The following FAM20A variants were observed in gnomAD, a reference collection of about 807,000 sequenced individuals.
FAM20A encodes pseudokinase FAM20A.
Under a neutral mutation model 52.0 loss-of-function variants are expected in FAM20A, and 42 were observed. The ratio of observed to expected loss-of-function variants is 0.81; its 90% CI spans 0.63 to 1.04. The LOEUF (loss-of-function observed/expected upper bound fraction) is 1.04, where lower values mean the gene tolerates loss of function less well. Among genes scored for constraint, FAM20A ranks in the 50% least tolerant of loss-of-function variants. The pLI is 0.00. For synonymous variants in FAM20A, 304 were observed against 298.9 expected (o/e 1.02, Z -0.18); for missense variants, 742 against 712.7 (o/e 1.04, Z -0.47).
chr17:68,600,235 T>C lies in FAM20A; in HGVS notation c.404+28A>G. On this transcript the variant is annotated intron_variant, in intron 1 of 10. Coordinates refer to ENST00000592554, the MANE Select transcript of FAM20A (RefSeq NM_017565.4). The surrounding 1 kb of genome is among the most constrained non-coding windows in gnomAD (Gnocchi z 6.2). ...GGGAGGCCCCGGCCAGAGCGCCCGC[T>C]CTCCCGCGTCCCGGGCGGGGTCCTC... 6.5e-7 allele frequency: 1 copy of C among 1,549,240 alleles called. No individual in the cohort carries two copies. Among genetic ancestry groups the C allele is most frequent in the Non-Finnish European group, 8.7e-7 (1 of 1,146,754 alleles).
intron 1 of FAM20A, among the ~76,000 whole-genome samples, chr17:68,559,986 T>C (rs1303378338): frequency 6.6e-6 from 1 of 152,178 alleles, no homozygotes; most frequent in African/African-American, 2.4e-5. Context: ...TACCCCTAAA[T>C]TCATATGTTG....
At chr17:68,556,236 G>T (rs1166429311) in intron 1 of FAM20A, among the ~76,000 whole-genome samples, 1 of 152,136 alleles carries the variant, frequency 6.6e-6, no homozygotes, top group Non-Finnish European at 1.5e-5. Flanking sequence ...TTTAAGTGGG[G>T]CTGGAAGCTG....
chr17:68,554,177 C>T (rs1046428626), intron 3 of FAM20A, among the ~76,000 whole-genome samples: 1 of 151,910 alleles, frequency 6.6e-6, no homozygotes, highest in Non-Finnish European at 1.5e-5. Flanking sequence ...GTTGCCTAGG[C>T]TGGAGTGCAG....
chr17:68,600,542 C>G lies in FAM20A; in HGVS notation c.125G>C (p.Arg42Pro), dbSNP rs751567997. ...GGCGCGGCCGGTGCACGGGCACCCC[C>G]GCGGGCGCTCCCGAGGCCGCAGCTG... Reference protein sequence around the residue: ...QRQLRPRERPRGCPCTGRASS... With the variant: ...QRQLRPRERPPGCPCTGRASS... The change falls in exon 1 of 11, where the codon CGG becomes CCG. Residue 42 changes from arginine (R) to proline (P), a missense_variant. By Grantham distance (103) the Arg-to-Pro change is moderately radical (BLOSUM62 -2). Transcript: ENST00000592554. The surrounding 1 kb of genome is among the most constrained non-coding windows in gnomAD (Gnocchi z 6.2). The G allele has an allele frequency of 1.3e-6, 2 of 1,559,778 alleles. No individual in the cohort carries two copies. Among genetic ancestry groups the G allele is most frequent in the Non-Finnish European group, 8.7e-7 (1 of 1,152,768 alleles).
Position 68,537,445 on chromosome 17 carries a change from G to A in FAM20A, c.*32C>T. 1 of 1,613,794 alleles carries A rather than the reference G, an allele frequency of 6.2e-7. No homozygotes were observed. The highest frequency in any genetic ancestry group is 1.1e-5 in the South Asian group (1 of 91,026). ...CTCGAGTCGACTGCTCTGGCTCCAG[G>A]CGTATTTTCTGAAACTGGACTCTGC... On this transcript the variant is annotated 3_prime_UTR_variant, in exon 11 of 11. Coordinates refer to ENST00000592554, the MANE Select transcript of FAM20A (RefSeq NM_017565.4). This position sits in a 1 kb window ranked among gnomAD's most constrained non-coding sequence, Gnocchi z 4.2.
intron 7 of FAM20A, 105 bp from the exon 8 acceptor site, chr17:68,541,063 T>G: frequency 1.3e-6 from 2 of 1,507,146 alleles, no homozygotes; most frequent in Non-Finnish European, 1.8e-6. Flanking sequence ...TCCCTGATCC[T>G]GCCCTGGGCT....
rs1296632554 is a variant in FAM20A at position 68,600,226 on chromosome 17, A to G, written c.404+37T>C. ...TGGGGCGCGGGGAGGCCCCGGCCAG[A>G]GCGCCCGCTCTCCCGCGTCCCGGGC... is the stretch of plus-strand genomic sequence containing the variant. On this transcript the variant is annotated intron_variant, in intron 1 of 10. Transcript: ENST00000592554. The surrounding 1 kb of genome is among the most constrained non-coding windows in gnomAD (Gnocchi z 6.2). 1.3e-6 allele frequency: 2 copies of G among 1,546,420 alleles called. No homozygotes were observed. The highest frequency in any genetic ancestry group is 3.9e-5 in the Admixed American group (2 of 51,104).
rs1438736094 is a variant in FAM20A at position 68,537,943 on chromosome 17, T to G, written c.1362-202A>C. The stretch of plus-strand genomic sequence containing the variant: ...AGTATCCTGCAGTCCTTTGCCCAAT[T>G]GCGATTTGGTCAAGAGCCTGCATAG... On this transcript the variant is annotated intron_variant, in intron 10 of 10. Transcript: ENST00000592554. The surrounding 1 kb of genome is among the most constrained non-coding windows in gnomAD (Gnocchi z 4.2). Among the ~76,000 whole-genome samples, 4 of 152,174 alleles carry G rather than the reference T, an allele frequency of 2.6e-5. No homozygotes were observed. Among genetic ancestry groups the G allele is most frequent in the Non-Finnish European group, 5.9e-5 (4 of 68,026 alleles).
At chr17:68,595,257 A>T (rs1055056982) in intron 1 of FAM20A, among the ~76,000 whole-genome samples, 1 of 152,228 alleles carries the variant, frequency 6.6e-6, no homozygotes, top group African/African-American at 2.4e-5. Context: ...ATTTTGATCT[A>T]TTTGGAAGCA....
intron 1 of FAM20A, among the ~76,000 whole-genome samples, chr17:68,581,563 CT>C (rs2088003021): frequency 7.8e-6 from 1 of 127,870 alleles, no homozygotes; most frequent in Non-Finnish European, 1.6e-5. Context: ...TCTTTCCTCT[CT>C]CTCTCTTTCT....
intron 1 of FAM20A, chr17:68,557,640 G>A (rs1037339396): frequency 3.9e-5 from 6 of 152,082 alleles, no homozygotes; most frequent in African/African-American, 9.7e-5. Flanking sequence ...TTATAGTATC[G>A]GTTACGGCAC....
rs1428821120 is a variant in FAM20A, at chr17:68,572,014, A to T, written c.405-16271T>A. On this transcript the variant is annotated intron_variant, in intron 1 of 10. Transcript: ENST00000592554. ...TATATATATATATATATATATATATATATATATATATATATATATATATAT... is the reference window on the plus strand; with the variant it reads ...TATATATATATATATATATATATATTTATATATATATATATATATATATAT... 2.8e-4 allele frequency among the ~76,000 whole-genome samples: 31 copies of T among 110,596 alleles called. 1 individual carries two copies. The highest frequency in any genetic ancestry group is 5.3e-4 in the Admixed American group (6 of 11,310). The allele number at this position is 110,596 out of a possible 152,430, so 72.6% of individuals were successfully genotyped here.
intron 1 of FAM20A, among the ~76,000 whole-genome samples, chr17:68,595,089 A>G (rs1488814497): frequency 6.6e-6 from 1 of 152,254 alleles, no homozygotes; most frequent in Non-Finnish European, 1.5e-5. Context: ...AGTGTATGTA[A>G]TGTGCCTGGC....
chr17:68,595,511 T>G (rs1405018271), intron 1 of FAM20A, among the ~76,000 whole-genome samples: 1 of 152,224 alleles, frequency 6.6e-6, no homozygotes. Flanking sequence ...TTTCCAAAAC[T>G]AGTCCAGCAA....
rs373618718 is a variant in FAM20A, at chr17:68,542,741, T to A, written c.881A>T (p.Glu294Val). Reference sequence around the variant, plus strand: ...CTGCAGGATTTCATTCTTGGTGACCTCTAGGATTTCCTTGGTGACATTTAC... The same window carrying A: ...CTGCAGGATTTCATTCTTGGTGACCACTAGGATTTCCTTGGTGACATTTAC... ...RIVNVTKEIL[E>V]VTKNEILQSV... The change falls in exon 6 of 11, where the codon GAG (glutamate) becomes GTG (valine). Residue 294 changes from glutamate to valine, a missense_variant. Glu to Val is a moderately radical substitution (Grantham distance 121). Transcript: ENST00000592554. 6.2e-6 allele frequency: 10 copies of A among 1,613,994 alleles called. No individual in the cohort carries two copies. In the African/African-American group the frequency reaches 1.2e-4, roughly 19 times the overall value.
intron 1 of FAM20A, chr17:68,591,939 C>T (rs1191003899): frequency 6.6e-6 from 1 of 152,146 alleles, no homozygotes; most frequent in African/African-American, 2.4e-5. Context: ...TCTATGTGTC[C>T]GTGAACCTAA....
rs1338922099 is a variant in FAM20A at position 68,541,729 on chromosome 17, G to A, written c.1109+256C>T. ...CCCACTAGACCAAGGAGCTTCTCAA[G>A]GAGAGAGTCTGAGTCTTCCATTTCT... On this transcript the variant is annotated intron_variant, in intron 7 of 10. Coordinates refer to ENST00000592554, the MANE Select transcript of FAM20A (RefSeq NM_017565.4). 9 of 419,406 alleles carry A rather than the reference G, an allele frequency of 2.1e-5. No individual in the cohort carries two copies. The East Asian group carries it at 2.8e-4, about 13-fold the overall frequency. 26.0% of individuals were successfully genotyped at this position (419,406 alleles called of 1,614,324 possible). A position where few individuals can be genotyped will look rare whatever the true frequency, so the allele number is the denominator to read the frequency against.
chr17:68,554,258 G>A (rs967170284), intron 3 of FAM20A, among the ~76,000 whole-genome samples: 5 of 151,880 alleles, frequency 3.3e-5, no homozygotes, highest in African/African-American at 7.3e-5. Context: ...AGCCTCCCAC[G>A]CTCGTCTAAC....
At chr17:68,583,253 A>G (rs2088065118) in intron 1 of FAM20A, among the ~76,000 whole-genome samples, 1 of 152,196 alleles carries the variant, frequency 6.6e-6, no homozygotes, top group East Asian at 1.9e-4. Context: ...TTGGGGCCCT[A>G]ACAAACTACC....
Sources: allele counts gnomAD v4.1 joint callset (sites outside exome capture counted in the v4.1 genomes callset), GRCh38; gene constraint gnomAD v4.1.1; non-coding constraint Gnocchi (gnomAD v3.1); transcripts MANE v1.5; gene names NCBI Gene and HGNC (gene_info 2026-07-23, HGNC 2026-07-21).